The following LRRC69 variants were observed in gnomAD, a reference collection of about 807,000 sequenced individuals.
LRRC69 encodes the protein leucine-rich repeat-containing protein 69.
Under a neutral mutation model 37.8 loss-of-function variants are expected in LRRC69, and 42 were observed. The ratio of observed to expected loss-of-function variants is 1.11; its 90% CI spans 0.87 to 1.44. LRRC69 has a LOEUF of 1.44. LRRC69 is among the 40% of genes most tolerant of loss of function. The pLI, the probability that LRRC69 is intolerant of heterozygous loss-of-function variation, is 0.00. For missense variants in LRRC69, 357 were observed against 401.9 expected, an observed-to-expected ratio of 0.89 and a Z score of 0.96; for synonymous variants, 141 against 143.1, an observed-to-expected ratio of 0.99 and a Z score of 0.11.
intron 5 of LRRC69, among the ~76,000 whole-genome samples, chr8:91,147,249 T>C (rs1220121155): frequency 8.5e-6 from 1 of 118,136 alleles, no homozygotes; most frequent in African/African-American, 3.4e-5. Context: ...TATAAACATA[T>C]AATATATATT....
intron 5 of LRRC69, among the ~76,000 whole-genome samples, chr8:91,165,921 C>T (rs1809020477): frequency 6.6e-6 from 1 of 151,578 alleles, no homozygotes; most frequent in South Asian, 2.1e-4. Flanking sequence ...TTAGCTTTCC[C>T]AGGGAAATCT....
intron 6 of LRRC69, among the ~76,000 whole-genome samples, chr8:91,199,856 T>A (rs1809683500): frequency 6.6e-6 from 1 of 152,228 alleles, no homozygotes; most frequent in Admixed American, 6.5e-5. Context: ...TTTATTAAGA[T>A]GATAGCCCTA....
At chr8:91,108,045 G>C (rs1374124502) in intron 1 of LRRC69, among the ~76,000 whole-genome samples, 1 of 152,044 alleles carries the variant, frequency 6.6e-6, no homozygotes, top group Non-Finnish European at 1.5e-5. Context: ...ATTGTGTGCA[G>C]CATTGTTGAC....
At chr8:91,125,032 C>T (rs1813694341) in intron 2 of LRRC69, among the ~76,000 whole-genome samples, 3 of 151,784 alleles carry the variant, frequency 2.0e-5, no homozygotes, top group African/African-American at 7.2e-5. Flanking sequence ...AAACTTAAAT[C>T]AATTTGGGGA....
At chr8:91,142,341 C>A (rs941804190) in intron 5 of LRRC69, among the ~76,000 whole-genome samples, 1 of 152,028 alleles carries the variant, frequency 6.6e-6, no homozygotes, top group African/African-American at 2.4e-5. Flanking sequence ...ATCTAACAAC[C>A]TGTACTATTA....
In LRRC69 at chr8:91,204,272, A is replaced by G. The variant is rs1809761903; in HGVS notation, c.933+3480A>G. 2.0e-5 allele frequency among the ~76,000 whole-genome samples: 3 copies of G among 152,198 alleles called. No individual in the cohort carries two copies. The South Asian group carries it at 6.2e-4, about 31-fold the overall frequency. On this transcript the variant is annotated intron_variant, in intron 7 of 7. Coordinates refer to ENST00000448384, the Ensembl canonical transcript of LRRC69. The stretch of plus-strand genomic sequence containing the variant: ...CTAAGCAAGGCCTATGTGGTTTCTC[A>G]CACATAACAAAAAGTTGAATATAAA...
intron 6 of LRRC69, among the ~76,000 whole-genome samples, chr8:91,195,686 C>T (rs919280087): frequency 1.4e-4 from 22 of 152,100 alleles, no homozygotes; most frequent in Non-Finnish European, 2.9e-4. Context: ...TTTCTGTTTT[C>T]CATTTGCTTG....
At chr8:91,186,072 T>C (rs1724414223) in intron 5 of LRRC69, among the ~76,000 whole-genome samples, 1 of 152,184 alleles carries the variant, frequency 6.6e-6, no homozygotes, top group African/African-American at 2.4e-5. Flanking sequence ...ATTATAAAAA[T>C]TTACCAAGTC....
At chr8:91,154,813 C>A (rs1349228823) in intron 5 of LRRC69, among the ~76,000 whole-genome samples, 1 of 151,506 alleles carries the variant, frequency 6.6e-6, no homozygotes, top group Non-Finnish European at 1.5e-5. Flanking sequence ...GAAACTGGCA[C>A]AAGACAATCA....
intron 5 of LRRC69, among the ~76,000 whole-genome samples, chr8:91,167,243 G>C (rs958702772): frequency 1.3e-5 from 2 of 151,738 alleles, no homozygotes; most frequent in Admixed American, 1.3e-4. Context: ...CATATGGTTG[G>C]GGAGGCCTCA....
chr8:91,164,589 T>C (rs927273860), intron 5 of LRRC69, among the ~76,000 whole-genome samples: 2 of 151,716 alleles, frequency 1.3e-5, no homozygotes, highest in African/African-American at 4.8e-5. Context: ...AGTTGCTATA[T>C]AAAAACAAAC....
chr8:91,188,579 T>C (rs1419302826), intron 5 of LRRC69, among the ~76,000 whole-genome samples: 4 of 152,156 alleles, frequency 2.6e-5, no homozygotes, highest in African/African-American at 9.7e-5. Context: ...AGGTCATATG[T>C]CCCCATTTTA....
At chr8:91,207,960 C>T (rs1809834966) in intron 7 of LRRC69, among the ~76,000 whole-genome samples, 1 of 152,186 alleles carries the variant, frequency 6.6e-6, no homozygotes, top group Non-Finnish European at 1.5e-5. Context: ...TTGGCTTCTC[C>T]TGCAGCCTCT....
In LRRC69 at chr8:91,124,638, A is replaced by G. The variant is rs1226604712; in HGVS notation, c.310+19A>G. On this transcript the variant is annotated intron_variant, in intron 2 of 7. Transcript: ENST00000448384. ...GCCTGTGGTAATTTAATCAACAAGGAACAACATTATAGCATCAAATTTAAT... is the reference window on the plus strand; with the variant it reads ...GCCTGTGGTAATTTAATCAACAAGGGACAACATTATAGCATCAAATTTAAT... The G allele has an allele frequency of 6.6e-7, 1 of 1,516,270 alleles. No individual in the cohort carries two copies. Among genetic ancestry groups the G allele is most frequent in the Non-Finnish European group, 8.8e-7 (1 of 1,133,896 alleles). The allele number at this position is 1,516,270 out of a possible 1,614,324, so 93.9% of individuals were successfully genotyped here. A position where few individuals can be genotyped will look rare whatever the true frequency, so the allele number is the denominator to read the frequency against.
chr8:91,153,841 G>C (rs1481840411), intron 5 of LRRC69, among the ~76,000 whole-genome samples: 2 of 151,872 alleles, frequency 1.3e-5, no homozygotes, highest in African/African-American at 2.4e-5. Flanking sequence ...AAAGCTAGGA[G>C]AAGACAGGAA....
intron 1 of LRRC69, among the ~76,000 whole-genome samples, chr8:91,108,968 C>T (rs979844836): frequency 2.6e-5 from 4 of 151,980 alleles, no homozygotes; most frequent in Non-Finnish European, 4.4e-5. Flanking sequence ...CAGAGAAGAT[C>T]CATGTCATTT....
intron 1 of LRRC69, among the ~76,000 whole-genome samples, chr8:91,116,789 T>C (rs1813518253): frequency 6.6e-6 from 1 of 152,012 alleles, no homozygotes; most frequent in Non-Finnish European, 1.5e-5. Flanking sequence ...TTCATATATT[T>C]GGCACTTAAT....
At position 91,135,742 on chromosome 8, in the gene LRRC69, A is replaced by G; in HGVS notation, c.651+3A>G. 1 of 1,391,524 alleles carries G rather than the reference A, an allele frequency of 7.2e-7. No individual in the cohort carries two copies. The highest frequency in any genetic ancestry group is 9.4e-7 in the Non-Finnish European group (1 of 1,060,358). The allele number at this position is 1,391,524 out of a possible 1,614,324, so 86.2% of individuals were successfully genotyped here. A position where few individuals can be genotyped will look rare whatever the true frequency, so the allele number is the denominator to read the frequency against. Reference sequence around the variant, plus strand: ...TTATTCAGATATTTCCATCAGGAGTAAGTAGAGTCAACTTCCATTATAATT... The same window carrying G: ...TTATTCAGATATTTCCATCAGGAGTGAGTAGAGTCAACTTCCATTATAATT... On this transcript the variant is annotated splice_donor_region_variant and intron_variant, in intron 5 of 7. Transcript: ENST00000448384.
exon 6 of LRRC69, chr8:91,189,563 C>A: frequency 6.4e-7 from 1 of 1,551,006 alleles, no homozygotes; most frequent in South Asian, 1.2e-5. Context: ...GTGAGGGAAA[C>A]CCACTGTTCC....
Sources: allele counts gnomAD v4.1 joint callset (sites outside exome capture counted in the v4.1 genomes callset), GRCh38; gene constraint gnomAD v4.1.1; transcripts MANE v1.5; gene names NCBI Gene and HGNC (gene_info 2026-07-23, HGNC 2026-07-21).